CALCR: variants seen among roughly 807,000 people sequenced by gnomAD.
CALCR encodes the protein calcitonin receptor.
In CALCR, 47 loss-of-function variants were observed where a neutral mutation model predicts 59.5. That is an observed-to-expected ratio of 0.79 (90% confidence interval 0.63 to 1.01). The LOEUF (loss-of-function observed/expected upper bound fraction) is 1.01. CALCR is among the 50% of genes least tolerant of loss of function. The pLI is 0.00. For synonymous variants in CALCR, 213 were observed against 211.3 expected (o/e 1.01, Z -0.07); for missense variants, 566 against 597.1 (o/e 0.95, Z 0.54).
chr7:93,574,008 T>C (rs902394989), intron 2 of CALCR, among the ~76,000 whole-genome samples: 2 of 152,210 alleles, frequency 1.3e-5, no homozygotes, highest in Admixed American at 6.5e-5. Flanking sequence ...TGAGGGAAAA[T>C]TGATATGAAC....
intron 2 of CALCR, among the ~76,000 whole-genome samples, chr7:93,547,292 C>A (rs1051689736): frequency 2.0e-5 from 3 of 152,266 alleles, no homozygotes; most frequent in Admixed American, 1.3e-4. Flanking sequence ...ATAGATAGCA[C>A]TGCAGTTTAT....
intron 2 of CALCR, among the ~76,000 whole-genome samples, chr7:93,507,742 C>T (rs1221793995): frequency 7.9e-5 from 10 of 126,160 alleles, no homozygotes; most frequent in Middle Eastern, 4.2e-3. Context: ...CCCGTCTCTA[C>T]TAAAAATACA....
At chr7:93,464,741 C>A (rs1800407061) in intron 7 of CALCR, among the ~76,000 whole-genome samples, 1 of 151,794 alleles carries the variant, frequency 6.6e-6, no homozygotes, top group African/African-American at 2.4e-5. Flanking sequence ...GTCTGTCCTG[C>A]CAGTGGTGAG....
intron 8 of CALCR, among the ~76,000 whole-genome samples, chr7:93,445,990 C>T (rs541222129): frequency 7.2e-5 from 11 of 152,152 alleles, no homozygotes; most frequent in African/African-American, 2.6e-4. Context: ...GAGAGCATTG[C>T]CTTCTTTAAC....
intron 8 of CALCR, among the ~76,000 whole-genome samples, chr7:93,447,277 A>AACTT (rs1401752842): frequency 6.6e-6 from 1 of 152,018 alleles, no homozygotes; most frequent in Non-Finnish European, 1.5e-5. Context: ...TCAACCTCAA[A>AACTT]ACTTCATAGA....
chr7:93,451,437 C>T (rs1182827921), intron 8 of CALCR, among the ~76,000 whole-genome samples: 1 of 151,960 alleles, frequency 6.6e-6, no homozygotes, highest in African/African-American at 2.4e-5. Context: ...AAAAGCATGT[C>T]CTTTTCTGCT....
chr7:93,443,925 T>C (rs960546457), intron 8 of CALCR, among the ~76,000 whole-genome samples, 168 bp from the exon 9 acceptor site: 2 of 152,148 alleles, frequency 1.3e-5, no homozygotes, highest in Non-Finnish European at 2.9e-5. Flanking sequence ...TCAGAGTGAA[T>C]GCACAGATCA....
At chr7:93,494,508 T>C (rs1801155524) in intron 2 of CALCR, among the ~76,000 whole-genome samples, 1 of 151,462 alleles carries the variant, frequency 6.6e-6, no homozygotes, top group Non-Finnish European at 1.5e-5. Flanking sequence ...AAACAATTTC[T>C]TTTGTTTTGC....
chr7:93,485,724 C>T (rs1800928192), intron 3 of CALCR, among the ~76,000 whole-genome samples: 1 of 151,402 alleles, frequency 6.6e-6, no homozygotes, highest in Admixed American at 6.6e-5. Flanking sequence ...ATTATATTTC[C>T]AGTGACATAA....
intron 2 of CALCR, among the ~76,000 whole-genome samples, chr7:93,548,683 C>T (rs1789362863): frequency 6.7e-6 from 1 of 148,382 alleles, no homozygotes; most frequent in African/African-American, 2.5e-5. Context: ...AAAAAAAAAC[C>T]CAAAACAAAA....
At chr7:93,571,098 A>C (rs911956295) in intron 2 of CALCR, among the ~76,000 whole-genome samples, 3 of 152,240 alleles carry the variant, frequency 2.0e-5, no homozygotes, top group African/African-American at 7.2e-5. Flanking sequence ...TGATACTAGA[A>C]TTGAAAACAA....
chr7:93,571,508 A>G (rs1790003808), intron 2 of CALCR, among the ~76,000 whole-genome samples: 1 of 152,138 alleles, frequency 6.6e-6, no homozygotes, highest in African/African-American at 2.4e-5. Flanking sequence ...AGGCACCGAG[A>G]AGTTACATTA....
chr7:93,525,156 CT>C (rs34037387), intron 2 of CALCR, among the ~76,000 whole-genome samples: 42,568 of 151,984 alleles, frequency 0.28, 7,091 homozygotes, highest in Non-Finnish European at 0.38. Context: ...ATAATAGTTT[CT>C]TTTTCATAAT....
chr7:93,449,153 A>G (rs1394749601), intron 8 of CALCR, among the ~76,000 whole-genome samples: 2 of 152,030 alleles, frequency 1.3e-5, no homozygotes, highest in African/African-American at 4.8e-5. Flanking sequence ...AAACTTTTCT[A>G]TATGTTCAGC....
At chr7:93,483,442 TA>T (rs1562991827) in intron 3 of CALCR, among the ~76,000 whole-genome samples, 1 of 140,568 alleles carries the variant, frequency 7.1e-6, no homozygotes, top group Non-Finnish European at 1.5e-5. Flanking sequence ...GATAGATAGA[TA>T]GATAGATAGA....
chr7:93,425,541 C>T lies in CALCR; in HGVS notation c.*815G>A, dbSNP rs935931009. On this transcript the variant is annotated 3_prime_UTR_variant, in exon 14 of 14. Transcript: ENST00000426151. Reference sequence around the variant, plus strand: ...TCTTTAAAGGGAGTATTGTCTTCCACTAAGAATTATATTTTTGGCAGTTTT... The same window carrying T: ...TCTTTAAAGGGAGTATTGTCTTCCATTAAGAATTATATTTTTGGCAGTTTT... The T allele has an allele frequency of 1.3e-5, 2 of 152,522 alleles. No individual in the cohort carries two copies. The highest frequency in any genetic ancestry group is 2.9e-5 in the Non-Finnish European group (2 of 68,012). The allele number at this position is 152,522 out of a possible 1,614,324, so 9.4% of individuals were successfully genotyped here. A position where few individuals can be genotyped will look rare whatever the true frequency, so the allele number is the denominator to read the frequency against.
intron 2 of CALCR, among the ~76,000 whole-genome samples, chr7:93,543,847 T>G (rs1789210427): frequency 6.6e-6 from 1 of 152,170 alleles, no homozygotes; most frequent in Admixed American, 6.5e-5. Flanking sequence ...ATATTTTAAA[T>G]TATTGTTTAA....
intron 7 of CALCR, among the ~76,000 whole-genome samples, chr7:93,466,616 T>G (rs926503954): frequency 1.3e-5 from 2 of 151,890 alleles, no homozygotes; most frequent in Non-Finnish European, 2.9e-5. Context: ...AGTTCATTTC[T>G]TCTCATTATT....
intron 2 of CALCR, among the ~76,000 whole-genome samples, chr7:93,564,860 G>A (rs561531598): frequency 6.6e-6 from 1 of 152,234 alleles, no homozygotes; most frequent in Admixed American, 6.5e-5. Flanking sequence ...TAATTTTGAA[G>A]TAGGGACAAA....
Sources: gnomAD v4.1 joint callset for allele counts (sites outside exome capture counted in the v4.1 genomes callset) on GRCh38, gnomAD v4.1.1 for gene constraint, MANE v1.5 for transcripts, NCBI Gene and HGNC (gene_info 2026-07-23, HGNC 2026-07-21) for gene names.